The following HEPH variants were observed in gnomAD, a reference collection of about 807,000 sequenced individuals.
HEPH encodes hephaestin.
HEPH carries 69 observed loss-of-function variants against 80.8 expected under a neutral mutation model. The ratio of observed to expected loss-of-function variants is 0.85; its 90% CI spans 0.70 to 1.04. HEPH has a LOEUF of 1.04. Among genes scored for constraint, HEPH ranks in the 50% least tolerant of loss-of-function variants. HEPH has a pLI of 0.00. For missense variants in HEPH, 1,115 were observed against 891.3 expected (o/e 1.25, Z -3.20); for synonymous variants, 431 against 322.8 (o/e 1.34, Z -3.60).
chrX:66,254,177 GA>G (rs1442434621), intron 15 of HEPH, among the ~76,000 whole-genome samples: 2 of 111,502 alleles, frequency 1.8e-5, no homozygotes, highest in Non-Finnish European at 3.8e-5. Flanking sequence ...TGGAGGCAGA[GA>G]AACATGTTAG....
Position 66,255,044 on chromosome X carries a change from T to C in HEPH, c.2573T>C (p.Val858Ala). 4.2e-6 allele frequency: 5 copies of C among 1,197,183 alleles called. No homozygotes were observed. The highest frequency in any genetic ancestry group is 5.6e-6 in the Non-Finnish European group (5 of 885,506). Residue 858 changes from valine (V) to alanine (A), a missense_variant, in exon 16 of 21, where the codon GTC becomes GCC. Transcript: ENST00000343002. ...WPLAAEPGEVVTYQWNIPERS... is the reference protein window; with the variant it reads ...WPLAAEPGEVATYQWNIPERS... ...CTTGTTACACTTCTAGGTGAGGTGGTCACTTATCAGTGGAACATCCCAGAG... is the reference window on the plus strand; with the variant it reads ...CTTGTTACACTTCTAGGTGAGGTGGCCACTTATCAGTGGAACATCCCAGAG...
intron 4 of HEPH, among the ~76,000 whole-genome samples, chrX:66,174,976 A>C (rs1430931329): frequency 9.0e-6 from 1 of 110,628 alleles, no homozygotes; most frequent in Non-Finnish European, 1.9e-5. Context: ...TTGTCTGTTT[A>C]CTCTGTTGAC....
Position 66,207,791 on chromosome X carries a change from CTCTT to C in HEPH, c.2432-322_2432-319del, listed in dbSNP as rs1184455158. 8.9e-5 allele frequency among the ~76,000 whole-genome samples: 10 copies of C among 111,772 alleles called. No homozygotes were observed. The South Asian group carries it at 2.7e-3, about 30-fold the overall frequency. The stretch of plus-strand genomic sequence containing the variant: ...TCTTTATTGTCTGCCAAACTTATCA[CTCTT>C]TATCGTCAATGATTCCACAGCACCT... On this transcript the variant is annotated intron_variant, in intron 14 of 20. Coordinates refer to ENST00000343002, the MANE Select transcript of HEPH (RefSeq NM_001367233.3).
intron 18 of HEPH, among the ~76,000 whole-genome samples, chrX:66,259,620 T>A (rs1000500916): frequency 9.0e-6 from 1 of 111,636 alleles, no homozygotes; most frequent in Non-Finnish European, 1.9e-5. Flanking sequence ...ACCTAGAAAT[T>A]CTTTTTCTTT....
In HEPH at chrX:66,203,529, C is replaced by T; in HGVS notation, c.2243C>T (p.Pro748Leu). 2 of 1,211,711 alleles carry T rather than the reference C, an allele frequency of 1.7e-6. No individual in the cohort carries two copies. The highest frequency in any genetic ancestry group is 2.2e-6 in the Non-Finnish European group (2 of 895,418). ...MAEEVEWDYC[P>L]DRSWEREWHN... ...GAAGAAGTAGAGTGGGACTATTGCC[C>T]TGACCGGAGCTGGGAACGGGAATGG... The change falls in exon 13 of 21, where the codon CCT (proline) becomes CTT (leucine). Residue 748 changes from proline to leucine, a missense_variant. By Grantham distance (98) the Pro-to-Leu change is moderately conservative. This residue lies in a region of HEPH where 716 missense variants were observed against 523.5 expected (regional missense o/e 1.37). Coordinates refer to ENST00000343002, the MANE Select transcript of HEPH (RefSeq NM_001367233.3).
chrX:66,193,709 C>T, intron 8 of HEPH, 71 bp downstream of exon 8: 1 of 834,665 alleles, frequency 1.2e-6, no homozygotes, highest in South Asian at 2.8e-5. Context: ...GAAACTGAGG[C>T]CTGGACATCA....
intron 15 of HEPH, among the ~76,000 whole-genome samples, chrX:66,236,260 T>C (rs2090357457): frequency 9.0e-6 from 1 of 111,723 alleles, no homozygotes; most frequent in Non-Finnish European, 1.9e-5. Context: ...TTGTCATAGA[T>C]GGCTCTTATT....
intron 12 of HEPH, 87 bp from the exon 13 acceptor site, chrX:66,203,277 G>T: frequency 2.7e-6 from 2 of 753,765 alleles, no homozygotes; most frequent in South Asian, 4.9e-5. Context: ...ACTCTTTTCT[G>T]CAGTATGCCT....
At chrX:66,242,094 C>G (rs1435141883) in intron 15 of HEPH, among the ~76,000 whole-genome samples, 1 of 108,509 alleles carries the variant, frequency 9.2e-6, no homozygotes, top group East Asian at 2.9e-4. Flanking sequence ...AAACTGAAGG[C>G]ATCACATTAC....
Position 66,258,872 on chromosome X carries a change from G to T in HEPH, c.2929G>T (p.Gly977Cys). 1 of 1,183,632 alleles carries T rather than the reference G, an allele frequency of 8.4e-7. No individual in the cohort carries two copies. The highest frequency in any genetic ancestry group is 1.1e-6 in the Non-Finnish European group (1 of 882,008). ...TGGGAAACTCTATGCCAACCTTAGG[G>T]GTCTTACCATGTACCAAGGAGAACG... is the stretch of plus-strand genomic sequence containing the variant. Reference protein sequence around the residue: ...INGKLYANLRGLTMYQGERVA... With the variant: ...INGKLYANLRCLTMYQGERVA... The change falls in exon 18 of 21, where the codon GGT (glycine) becomes TGT (cysteine). Residue 977 changes from glycine (G) to cysteine (C), a missense_variant. Coordinates refer to ENST00000343002, the MANE Select transcript of HEPH (RefSeq NM_001367233.3).
chrX:66,163,783 T>C (rs2086256796), upstream of HEPH, among the ~76,000 whole-genome samples: 1 of 112,114 alleles, frequency 8.9e-6, no homozygotes, highest in South Asian at 3.7e-4. Flanking sequence ...AGTTGTAAAA[T>C]AGAGAGAATT....
At chrX:66,232,090 G>C (rs1179816460) in intron 15 of HEPH, among the ~76,000 whole-genome samples, 3 of 108,980 alleles carry the variant, frequency 2.8e-5, no homozygotes, top group African/African-American at 1.0e-4. Flanking sequence ...TTATTGATTT[G>C]CATATATTGA....
At chrX:66,217,068 G>A (rs1418273762) in intron 15 of HEPH, among the ~76,000 whole-genome samples, 4 of 110,794 alleles carry the variant, frequency 3.6e-5, no homozygotes, top group Admixed American at 9.6e-5. Context: ...ATTGGTGTTC[G>A]GGAGGAAGAA....
At chrX:66,222,061 C>T (rs963938914) in intron 15 of HEPH, among the ~76,000 whole-genome samples, 1 of 113,032 alleles carries the variant, frequency 8.8e-6, no homozygotes, top group African/African-American at 3.2e-5. Context: ...AGGTCTACCA[C>T]AATACCACCA....
chrX:66,225,535 A>T (rs2089845045), intron 15 of HEPH, among the ~76,000 whole-genome samples: 1 of 112,518 alleles, frequency 8.9e-6, no homozygotes, highest in Non-Finnish European at 1.9e-5. Context: ...CCACGCTTCC[A>T]CTCAAATGGA....
At chrX:66,246,217 C>T (rs1357672180) in intron 15 of HEPH, among the ~76,000 whole-genome samples, 3 of 111,999 alleles carry the variant, frequency 2.7e-5, no homozygotes, top group Non-Finnish European at 5.6e-5. Flanking sequence ...GGACTGAGTT[C>T]AGACAGAAGT....
intron 3 of HEPH, 36 bp downstream of exon 3, chrX:66,172,635 A>G (rs747345078): frequency 2.0e-5 from 22 of 1,104,530 alleles, no homozygotes; most frequent in Non-Finnish European, 2.4e-5. Context: ...CCCATGCCCA[A>G]CAAATATCAC....
At chrX:66,253,460 C>T (rs996130344) in intron 15 of HEPH, among the ~76,000 whole-genome samples, 1 of 112,091 alleles carries the variant, frequency 8.9e-6, no homozygotes, top group Non-Finnish European at 1.9e-5. Flanking sequence ...TAAAAGCAGA[C>T]AATAACTAAT....
chrX:66,255,400 AAC>A (rs2091144804), intron 16 of HEPH, among the ~76,000 whole-genome samples: 3 of 108,130 alleles, frequency 2.8e-5, no homozygotes, highest in African/African-American at 1.1e-4. Flanking sequence ...TATAAAAAAA[AAC>A]AAACACACAA....
Sources: gnomAD v4.1 joint callset for allele counts (sites outside exome capture counted in the v4.1 genomes callset) on GRCh38, gnomAD v4.1.1 for gene constraint, gnomAD v4.1.1 regional missense constraint, MANE v1.5 for transcripts, NCBI Gene and HGNC (gene_info 2026-07-23, HGNC 2026-07-21) for gene names.